Variants in CAMK1D observed in about 807,000 individuals in gnomAD.
The protein encoded by CAMK1D is calcium/calmodulin dependent protein kinase ID, also known as calcium/calmodulin-dependent protein kinase type 1D.
Under a neutral mutation model 47.7 loss-of-function variants are expected in CAMK1D, and 9 were observed. The ratio of observed to expected loss-of-function variants is 0.19; its 90% CI spans 0.11 to 0.33. The LOEUF is 0.33. Among genes scored for constraint, CAMK1D ranks in the 10% least tolerant of loss-of-function variants. The probability of loss-of-function intolerance (pLI) is 1.00; values close to 1 mark genes in which losing one functional copy is unlikely to be tolerated. For missense variants in CAMK1D, 291 were observed against 488.7 expected (o/e 0.60, Z 3.81); for synonymous variants, 184 against 184.9 (o/e 0.99, Z 0.04).
At chr10:12,673,971 G>GCT in intron 3 of CAMK1D, among the ~76,000 whole-genome samples, 1 of 151,886 alleles carries the variant, frequency 6.6e-6, no homozygotes, top group South Asian at 2.1e-4. Flanking sequence ...CAGTAGTTGG[G>GCT]CTCTCTCTCT....
rs868401813 is a variant in CAMK1D, at chr10:12,422,275, G to T, written c.92+72365G>T. Among the ~76,000 whole-genome samples, 13 of 152,350 alleles carry T rather than the reference G, an allele frequency of 8.5e-5. No individual in the cohort carries two copies. The South Asian group carries it at 1.0e-3, about 12-fold the overall frequency. On this transcript the variant is annotated intron_variant, in intron 1 of 10. Coordinates refer to ENST00000619168, the MANE Select transcript of CAMK1D (RefSeq NM_153498.4). ...AGGTGTTGAGGGGCAAACAAGTCTG[G>T]TGGTGACGACTATAGTCCGGATTTT...
At chr10:12,403,169 G>A (rs766677072) in intron 1 of CAMK1D, among the ~76,000 whole-genome samples, 11 of 152,248 alleles carry the variant, frequency 7.2e-5, no homozygotes, top group Non-Finnish European at 1.5e-4. Flanking sequence ...GATGCGATCT[G>A]AGGACCACGT....
chr10:12,501,193 C>T (rs1263871021), intron 1 of CAMK1D, among the ~76,000 whole-genome samples: 1 of 152,178 alleles, frequency 6.6e-6, no homozygotes, highest in African/African-American at 2.4e-5. Context: ...TAGCAATTTC[C>T]TGTTTATTTT....
chr10:12,702,128 C>G (rs1833544568), intron 3 of CAMK1D, among the ~76,000 whole-genome samples: 1 of 152,144 alleles, frequency 6.6e-6, no homozygotes, highest in Non-Finnish European at 1.5e-5. Flanking sequence ...TGGGAACCCA[C>G]TTTCTAGAAG....
intron 1 of CAMK1D, among the ~76,000 whole-genome samples, chr10:12,428,847 A>G (rs1588475590): frequency 6.6e-6 from 1 of 152,026 alleles, no homozygotes. Flanking sequence ...TATCAAAGAG[A>G]CCCCATAGAG....
At chr10:12,501,287 T>C (rs756712799) in intron 1 of CAMK1D, among the ~76,000 whole-genome samples, 21 of 152,246 alleles carry the variant, frequency 1.4e-4, no homozygotes, top group Non-Finnish European at 2.1e-4. Context: ...CCCTTGTATA[T>C]TCAGAGCACT....
chr10:12,406,089 G>A (rs12254030), intron 1 of CAMK1D, among the ~76,000 whole-genome samples: 8,452 of 152,156 alleles, frequency 0.056, 285 homozygotes, highest in Admixed American at 0.067. Context: ...TGGGATTAGC[G>A]GTTGGCTTGT....
chr10:12,813,586 G>GT lies in CAMK1D; in HGVS notation c.642-607dup, dbSNP rs1588958751. Among the ~76,000 whole-genome samples the GT allele has an allele frequency of 2.0e-5, 3 of 152,250 alleles. No individual in the cohort carries two copies. In the East Asian group the frequency reaches 5.8e-4, roughly 29 times the overall value. On this transcript the variant is annotated intron_variant, in intron 6 of 10. Coordinates refer to ENST00000619168, the MANE Select transcript of CAMK1D (RefSeq NM_153498.4). The stretch of plus-strand genomic sequence containing the variant: ...TTCTGTGGTTAATTCTGTGCAGAGA[G>GT]TTAAGGGGGACTTCAATAGTTATTT...
intron 1 of CAMK1D, among the ~76,000 whole-genome samples, chr10:12,472,482 G>A (rs962947075): frequency 2.0e-4 from 20 of 101,504 alleles, no homozygotes; most frequent in Non-Finnish European, 4.0e-4. Context: ...TTCATCCCTA[G>A]TCACTGTCTC....
intron 5 of CAMK1D, among the ~76,000 whole-genome samples, chr10:12,770,936 G>A (rs1010018411): frequency 2.5e-4 from 38 of 152,014 alleles, no homozygotes; most frequent in Non-Finnish European, 4.3e-4. Context: ...GTGGGGGGTG[G>A]GGGGTGTGGT....
chr10:12,570,403 G>A (rs1047692544), intron 2 of CAMK1D, among the ~76,000 whole-genome samples: 8 of 151,908 alleles, frequency 5.3e-5, no homozygotes, highest in African/African-American at 1.9e-4. Context: ...GAGGGGCTGG[G>A]CGCAGTGGCT....
Position 12,432,041 on chromosome 10 carries a change from A to G in CAMK1D, c.92+82131A>G, listed in dbSNP as rs554006543. ...GGCCAGTCTTTGGCTCAGGTATTCT[A>G]CCTTTGGAAGAGGGGTTTTGGATAC... On this transcript the variant is annotated intron_variant, in intron 1 of 10. Coordinates refer to ENST00000619168, the MANE Select transcript of CAMK1D (RefSeq NM_153498.4). 2.2e-4 allele frequency among the ~76,000 whole-genome samples: 34 copies of G among 152,208 alleles called. No homozygotes were observed. The South Asian group carries it at 6.0e-3, about 27-fold the overall frequency.
At chr10:12,476,380 G>A (rs1323311970) in intron 1 of CAMK1D, among the ~76,000 whole-genome samples, 1 of 152,050 alleles carries the variant, frequency 6.6e-6, no homozygotes, top group Admixed American at 6.6e-5. Flanking sequence ...AAAGGGGGAG[G>A]GTGGGTTGAG....
chr10:12,792,350 ACAAGTTATACTTT>A (rs1838013597), intron 6 of CAMK1D, among the ~76,000 whole-genome samples: 3 of 152,200 alleles, frequency 2.0e-5, no homozygotes, highest in Non-Finnish European at 4.4e-5. Flanking sequence ...AATTTCTTTT[ACAAGTTATACTTT>A]CAAATGCTTA....
intron 2 of CAMK1D, among the ~76,000 whole-genome samples, chr10:12,573,376 C>CTTAGAGATGAGAGGTCGCGTG (rs143409946): frequency 0.12 from 18,429 of 152,208 alleles, 3,320 homozygotes; most frequent in African/African-American, 0.39. Context: ...AGCTGGTTGA[C>CTTAGAGATGAGAGGTCGCGTG]TTACACTGGT....
intron 3 of CAMK1D, among the ~76,000 whole-genome samples, chr10:12,749,525 A>ATTTTTGTT (rs796868251): frequency 2.9e-5 from 4 of 135,936 alleles, no homozygotes; most frequent in African/African-American, 1.1e-4. Flanking sequence ...GAAAGTGTGG[A>ATTTTTGTT]TGTTTGTTTG....
chr10:12,700,648 A>G (rs941540551), intron 3 of CAMK1D, among the ~76,000 whole-genome samples: 11 of 152,170 alleles, frequency 7.2e-5, no homozygotes, highest in African/African-American at 1.9e-4. Flanking sequence ...ACATATATGA[A>G]AGACATGGCA....
At chr10:12,423,542 C>T (rs1840127917) in intron 1 of CAMK1D, among the ~76,000 whole-genome samples, 1 of 152,136 alleles carries the variant, frequency 6.6e-6, no homozygotes, top group South Asian at 2.1e-4. Flanking sequence ...AAGGCCCCTT[C>T]AATTCTACCT....
intron 1 of CAMK1D, among the ~76,000 whole-genome samples, chr10:12,350,806 T>C (rs1837332350): frequency 6.6e-6 from 1 of 152,236 alleles, no homozygotes; most frequent in Non-Finnish European, 1.5e-5. Flanking sequence ...GTTCAAGTTA[T>C]TTCCTTCCCT....
Sources: allele counts gnomAD v4.1 joint callset (sites outside exome capture counted in the v4.1 genomes callset), GRCh38; gene constraint gnomAD v4.1.1; transcripts MANE v1.5; gene names NCBI Gene and HGNC (gene_info 2026-07-23, HGNC 2026-07-21).